CSMD1: variants seen among roughly 807,000 people sequenced by gnomAD.
The protein encoded by CSMD1 is CUB and sushi domain-containing protein 1.
Under a neutral mutation model 417.5 loss-of-function variants are expected in CSMD1, and 213 were observed. That is an observed-to-expected ratio of 0.51 (90% confidence interval 0.46 to 0.57). The LOEUF is 0.57. Among genes scored for constraint, CSMD1 ranks in the 20% least tolerant of loss-of-function variants. The pLI is 0.00. For missense variants in CSMD1, 6,923 were observed against 4,529.7 expected, an observed-to-expected ratio of 1.53 and a Z score of -15.17; for synonymous variants, 2,862 against 1,736.8, an observed-to-expected ratio of 1.65 and a Z score of -16.11.
In CSMD1 at chr8:2,949,384, C is replaced by A; in HGVS notation, c.10317G>T (p.Val3439=). 1 of 1,335,234 alleles carries A rather than the reference C, an allele frequency of 7.5e-7. No individual in the cohort carries two copies. Among genetic ancestry groups the A allele is most frequent in the African/African-American group, 1.6e-5 (1 of 63,464 alleles). 82.7% of individuals were successfully genotyped at this position (1,335,234 alleles called of 1,614,324 possible). A position where few individuals can be genotyped will look rare whatever the true frequency, so the allele number is the denominator to read the frequency against. ...ENDNWGLDGY[V]SSGLERGGFT... is the part of the protein sequence containing the mutation. ...ATCCTCCTCTTTCAAGTCCAGATGACACCTGACACATAGGAAAGAAAAGAA... is the reference window on the plus strand; with the variant it reads ...ATCCTCCTCTTTCAAGTCCAGATGAAACCTGACACATAGGAAAGAAAAGAA... Residue 3439 remains valine (V), a splice_region_variant and synonymous_variant, in exon 68 of 70, where the codon GTG becomes GTT. Transcript: ENST00000635120.
At position 3,469,968 on chromosome 8, in the gene CSMD1, T is replaced by C. The variant is rs531539347; in HGVS notation, c.1449-1144A>G. 4.3e-4 allele frequency among the ~76,000 whole-genome samples: 66 copies of C among 152,328 alleles called. 1 individual carries two copies. Among genetic ancestry groups the C allele is most frequent in the Non-Finnish European group, 2.4e-4 (16 of 68,026 alleles). ...GCTTGTTTGAAGAGAGATTTTTTTC[T>C]TTCTTTCTTATTCATACATTTATTG... On this transcript the variant is annotated intron_variant, in intron 11 of 69. Coordinates refer to ENST00000635120, the MANE Select transcript of CSMD1 (RefSeq NM_033225.6).
Position 3,407,939 on chromosome 8 carries a change from G to A in CSMD1, c.2031C>T (p.Asp677=). 6.2e-7 allele frequency: 1 copy of A among 1,613,380 alleles called. No individual in the cohort carries two copies. Among genetic ancestry groups the A allele is most frequent in the Non-Finnish European group, 8.5e-7 (1 of 1,179,612 alleles). ...TGAACCCTCTGCCAGTAGTGGAATG[G>A]TCAGACTGAAATTCCAAGCGAACTA... ...GHIVRLEFQS[D]HSTTGRGFNI... Residue 677 remains aspartate, a synonymous_variant, in exon 14 of 70, where the codon GAC becomes GAT. Coordinates refer to ENST00000635120, the MANE Select transcript of CSMD1 (RefSeq NM_033225.6).
intron 1 of CSMD1, among the ~76,000 whole-genome samples, chr8:4,784,432 A>C (rs1234820588): frequency 6.6e-6 from 1 of 152,200 alleles, no homozygotes; most frequent in Non-Finnish European, 1.5e-5. Context: ...GGATTTTTTA[A>C]AATTTTGAAC....
intron 2 of CSMD1, among the ~76,000 whole-genome samples, chr8:4,507,048 G>T (rs1802566631): frequency 6.6e-6 from 1 of 151,922 alleles, no homozygotes; most frequent in African/African-American, 2.4e-5. Flanking sequence ...CTTTTCAAAA[G>T]GAAATAAACA....
At chr8:3,203,591 C>T (rs1162615824) in intron 31 of CSMD1, among the ~76,000 whole-genome samples, 1 of 152,106 alleles carries the variant, frequency 6.6e-6, no homozygotes, top group Non-Finnish European at 1.5e-5. Context: ...AGCAAATAGT[C>T]AACTTCAGCT....
chr8:3,919,147 C>T (rs1213764021), intron 5 of CSMD1, among the ~76,000 whole-genome samples: 3 of 113,456 alleles, frequency 2.6e-5, no homozygotes, highest in Non-Finnish European at 5.2e-5. Context: ...AGTCCCACTT[C>T]TTTTGATTTG....
At chr8:3,558,927 G>C (rs965369305) in intron 10 of CSMD1, among the ~76,000 whole-genome samples, 1 of 152,136 alleles carries the variant, frequency 6.6e-6, no homozygotes, top group Non-Finnish European at 1.5e-5. Context: ...GCAGCACCAC[G>C]ATTCGAGGTC....
chr8:3,237,525 TTA>T (rs1799223539), intron 26 of CSMD1, among the ~76,000 whole-genome samples: 1 of 147,146 alleles, frequency 6.8e-6, no homozygotes, highest in Non-Finnish European at 1.5e-5. Context: ...ATATTAAATA[TTA>T]TATATTTATA....
chr8:4,971,397 A>G (rs1810229561), intron 1 of CSMD1, among the ~76,000 whole-genome samples: 1 of 152,116 alleles, frequency 6.6e-6, no homozygotes, highest in Admixed American at 6.6e-5. Context: ...TGTTTAGAAG[A>G]AACTCTTTTC....
At chr8:4,221,720 G>T (rs756479958) in intron 3 of CSMD1, among the ~76,000 whole-genome samples, 14 of 152,174 alleles carry the variant, frequency 9.2e-5, no homozygotes, top group Non-Finnish European at 1.2e-4. Flanking sequence ...TCTCTCCAGA[G>T]ATGCTCAATT....
chr8:3,296,443 G>C (rs1339737571), intron 25 of CSMD1, among the ~76,000 whole-genome samples: 1 of 152,114 alleles, frequency 6.6e-6, no homozygotes, highest in Non-Finnish European at 1.5e-5. Flanking sequence ...TACGCACAGA[G>C]GGCTTTGTAG....
chr8:3,775,401 T>A (rs1043610271), intron 5 of CSMD1, among the ~76,000 whole-genome samples: 9 of 152,136 alleles, frequency 5.9e-5, no homozygotes, highest in African/African-American at 2.2e-4. Context: ...GGTACCTGAC[T>A]CAAATTACAC....
At chr8:3,562,496 A>T (rs978562788) in intron 10 of CSMD1, among the ~76,000 whole-genome samples, 8 of 152,188 alleles carry the variant, frequency 5.3e-5, no homozygotes. Context: ...TTGAACACAG[A>T]TGAGTGCCAC....
At chr8:3,249,749 A>G (rs549500464) in intron 26 of CSMD1, among the ~76,000 whole-genome samples, 1 of 51,550 alleles carries the variant, frequency 1.9e-5, no homozygotes, top group South Asian at 4.3e-4. Context: ...GAATGTGTTT[A>G]TTTCCGTTTT....
chr8:4,865,554 C>A (rs1418282451), intron 1 of CSMD1, among the ~76,000 whole-genome samples: 2 of 152,038 alleles, frequency 1.3e-5, no homozygotes, highest in Non-Finnish European at 2.9e-5. Flanking sequence ...TGTCGCTCAT[C>A]ACCCCAACAT....
At chr8:2,982,874 C>T (rs1805541687) in intron 54 of CSMD1, among the ~76,000 whole-genome samples, 1 of 152,160 alleles carries the variant, frequency 6.6e-6, no homozygotes, top group Non-Finnish European at 1.5e-5. Flanking sequence ...AACGAAGCCA[C>T]CTGTCTGCAC....
chr8:3,007,666 C>G (rs1207644272), intron 52 of CSMD1, among the ~76,000 whole-genome samples: 1 of 150,080 alleles, frequency 6.7e-6, no homozygotes, highest in African/African-American at 2.5e-5. Context: ...TAAACTATCG[C>G]AAGAACAAAA....
At chr8:4,026,313 A>T (rs941720751) in intron 4 of CSMD1, among the ~76,000 whole-genome samples, 1 of 152,220 alleles carries the variant, frequency 6.6e-6, no homozygotes, top group Non-Finnish European at 1.5e-5. Context: ...AGAAAAGCAA[A>T]ATTTAAATGT....
chr8:3,873,709 A>G (rs1185515170), intron 5 of CSMD1, among the ~76,000 whole-genome samples: 3 of 152,200 alleles, frequency 2.0e-5, no homozygotes, highest in African/African-American at 7.2e-5. Context: ...AGTTAAAAAT[A>G]AATAAATAAA....
Sources: allele counts gnomAD v4.1 joint callset (sites outside exome capture counted in the v4.1 genomes callset), GRCh38; gene constraint gnomAD v4.1.1; transcripts MANE v1.5; gene names NCBI Gene and HGNC (gene_info 2026-07-23, HGNC 2026-07-21).